Variants in LPIN1 observed in about 807,000 individuals in gnomAD.
LPIN1 encodes lipin 1.
In LPIN1, 71 loss-of-function variants were observed where a neutral mutation model predicts 107.5. That is an observed-to-expected ratio of 0.66 (90% CI 0.55 to 0.80). LPIN1 has a LOEUF of 0.80. Ranked by LOEUF, LPIN1 falls within the 30% of genes least tolerant of loss-of-function variation. The probability of loss-of-function intolerance (pLI) is 0.00; values close to 1 mark genes in which losing one functional copy is unlikely to be tolerated. For synonymous variants in LPIN1, 445 were observed against 452.6 expected (o/e 0.98, Z 0.21); for missense variants, 1,043 against 1,160.6 (o/e 0.90, Z 1.47).
At chr2:11,795,790 A>G (rs545705586) in intron 14 of LPIN1, among the ~76,000 whole-genome samples, 1 of 152,372 alleles carries the variant, frequency 6.6e-6, no homozygotes. Context: ...GATGACAATA[A>G]TAACAGTGAG....
chr2:11,680,508 GC>G (rs1661657328), intron 1 of LPIN1, among the ~76,000 whole-genome samples: 4 of 152,102 alleles, frequency 2.6e-5, no homozygotes, highest in Admixed American at 2.6e-4. Context: ...GGGTGGGGCT[GC>G]AGCTGGCAAG....
intron 1 of LPIN1, among the ~76,000 whole-genome samples, chr2:11,761,264 T>C (rs1669786949): frequency 6.6e-6 from 1 of 152,230 alleles, no homozygotes; most frequent in Non-Finnish European, 1.5e-5. Flanking sequence ...AAGAATCATT[T>C]CTTATATTGT....
At chr2:11,712,112 A>T (rs1261438288) in intron 1 of LPIN1, among the ~76,000 whole-genome samples, 1 of 151,824 alleles carries the variant, frequency 6.6e-6, no homozygotes, top group African/African-American at 2.4e-5. Flanking sequence ...GGCCTCACTC[A>T]CCCCTGCCTC....
chr2:11,732,911 C>CTGTGTG, intron 1 of LPIN1, among the ~76,000 whole-genome samples: 1 of 149,114 alleles, frequency 6.7e-6, no homozygotes, highest in East Asian at 2.0e-4. Flanking sequence ...CTCTCTCTCT[C>CTGTGTG]TGTGTGTGTG....
rs769294546 is a variant in LPIN1 at position 11,773,607 on chromosome 2, T to A, written c.597-13T>A. ...AGAATTCTTTGACTTTAATCTTTTT[T>A]TTTTTCCTCCAGAACTCTTCCTAAT... On this transcript the variant is annotated splice_polypyrimidine_tract_variant and intron_variant, in intron 4 of 20. Coordinates refer to ENST00000674199, the MANE Select transcript of LPIN1 (RefSeq NM_001349206.2). 8.1e-6 allele frequency: 13 copies of A among 1,608,852 alleles called. No individual in the cohort carries two copies. In the East Asian group the frequency reaches 2.9e-4, roughly 36 times the overall value.
Position 11,735,558 on chromosome 2 carries a change from A to G in LPIN1, c.-71-5791A>G, listed in dbSNP as rs944524739. Reference sequence around the variant, plus strand: ...AGCCAATCAACCCATTAGTCCTTCAACAAGTCTTCTGAGACCTTTCTGTGG... The same window carrying G: ...AGCCAATCAACCCATTAGTCCTTCAGCAAGTCTTCTGAGACCTTTCTGTGG... On this transcript the variant is annotated intron_variant, in intron 1 of 21. Transcript: ENST00000396097. Among the ~76,000 whole-genome samples the G allele has an allele frequency of 5.9e-5, 9 of 152,282 alleles. No homozygotes were observed. In the East Asian group the frequency reaches 1.4e-3, roughly 23 times the overall value.
chr2:11,725,040 T>C (rs1318817409), intron 1 of LPIN1, among the ~76,000 whole-genome samples: 3 of 152,102 alleles, frequency 2.0e-5, no homozygotes, highest in African/African-American at 7.2e-5. Flanking sequence ...GGCGGGCGGA[T>C]CACAAGGTCA....
intron 14 of LPIN1, among the ~76,000 whole-genome samples, chr2:11,799,330 A>G (rs1168554773): frequency 3.3e-5 from 5 of 151,792 alleles, no homozygotes; most frequent in Non-Finnish European, 7.4e-5. Context: ...GTACACATCA[A>G]TCTGTTGTCA....
Position 11,791,916 on chromosome 2 carries a change from C to T in LPIN1, c.1716C>T (p.Ala572=). The part of the protein sequence containing the change: ...MQAFQKPLPK[A]TVESIMRDKM... Reference sequence around the variant, plus strand: ...ATGTTACCATCCATTTAAAACAGGCCACTGTGGAATCTATCATGAGGGATA... The same window carrying T: ...ATGTTACCATCCATTTAAAACAGGCTACTGTGGAATCTATCATGAGGGATA... The change falls in exon 13 of 21, where the codon GCC becomes GCT. Residue 572 remains alanine, a splice_region_variant and synonymous_variant. Transcript: ENST00000674199. 6.2e-7 allele frequency: 1 copy of T among 1,613,422 alleles called. No homozygotes were observed. Among genetic ancestry groups the T allele is most frequent in the South Asian group, 1.1e-5 (1 of 91,012 alleles).
intron 1 of LPIN1, among the ~76,000 whole-genome samples, chr2:11,678,039 G>A (rs888332310): frequency 3.3e-5 from 5 of 152,210 alleles, no homozygotes; most frequent in African/African-American, 4.8e-5. Flanking sequence ...TCAGAGCTTC[G>A]TGAGTGCCTC....
At chr2:11,795,750 T>A (rs1572881077) in intron 14 of LPIN1, among the ~76,000 whole-genome samples, 2 of 152,352 alleles carry the variant, frequency 1.3e-5, no homozygotes, top group East Asian at 3.9e-4. Flanking sequence ...GGTCCTGGCA[T>A]GCAATAGTCC....
At chr2:11,683,723 A>G (rs1173648591) in intron 1 of LPIN1, among the ~76,000 whole-genome samples, 2 of 152,100 alleles carry the variant, frequency 1.3e-5, no homozygotes, top group South Asian at 4.1e-4. Context: ...CCTGCCCTGC[A>G]CTGCCGCTCT....
chr2:11,765,813 G>T lies in LPIN1; in HGVS notation c.192+80G>T. 1 of 1,284,380 alleles carries T rather than the reference G, an allele frequency of 7.8e-7. No homozygotes were observed. Among genetic ancestry groups the T allele is most frequent in the South Asian group, 1.4e-5 (1 of 69,922 alleles). 79.6% of individuals were successfully genotyped at this position (1,284,380 alleles called of 1,614,324 possible). A position where few individuals can be genotyped will look rare whatever the true frequency, so the allele number is the denominator to read the frequency against. ...GTACTCTGGTGATGCCACCTGTCTT[G>T]AACTCTCAGACCCAGAGTTTTAGGT... is the stretch of plus-strand genomic sequence containing the variant. On this transcript the variant is annotated intron_variant, in intron 2 of 20. Coordinates refer to ENST00000674199, the MANE Select transcript of LPIN1 (RefSeq NM_001349206.2). This position sits in a 1 kb window ranked among gnomAD's most constrained non-coding sequence, Gnocchi z 4.4.
chr2:11,678,172 A>G (rs1324423843), intron 1 of LPIN1, among the ~76,000 whole-genome samples: 1 of 152,204 alleles, frequency 6.6e-6, no homozygotes, highest in Non-Finnish European at 1.5e-5. Context: ...GCTGTCTCCA[A>G]TAACATGCTG....
intron 1 of LPIN1, among the ~76,000 whole-genome samples, chr2:11,702,058 AAGAC>A (rs1221171317): frequency 2.6e-5 from 4 of 152,110 alleles, no homozygotes; most frequent in Non-Finnish European, 4.4e-5. Flanking sequence ...TGGGTATGGG[AAGAC>A]AGACAGGAAA....
chr2:11,793,091 G>C lies in LPIN1; in HGVS notation c.1806+1085G>C, dbSNP rs187015363. The stretch of plus-strand genomic sequence containing the variant: ...TAGTCGACTAAGCAGACATCGTCCT[G>C]TGGATGCCTCAACGTATTTCAAACT... On this transcript the variant is annotated intron_variant, in intron 13 of 20. Transcript: ENST00000674199. Among the ~76,000 whole-genome samples the C allele has an allele frequency of 7.3e-3, 1,105 of 152,310 alleles. 7 individuals carry two copies. The highest frequency in any genetic ancestry group is 0.014 in the Middle Eastern group (4 of 294).
At chr2:11,708,483 G>A (rs1042167446) in intron 1 of LPIN1, among the ~76,000 whole-genome samples, 5 of 152,194 alleles carry the variant, frequency 3.3e-5, no homozygotes, top group East Asian at 3.9e-4. Flanking sequence ...GCATGGGAGA[G>A]GAGCTGAGGC....
intron 18 of LPIN1, chr2:11,818,234 T>C (rs554370429): frequency 6.6e-6 from 1 of 152,342 alleles, no homozygotes; most frequent in East Asian, 1.9e-4. Context: ...TTGATTGAAA[T>C]TGCAGTGAAT....
At position 11,820,414 on chromosome 2, in the gene LPIN1, G is replaced by A. The variant is rs773019394; in HGVS notation, c.2521G>A (p.Val841Met). ...AAATCACCTTTACCAAATATAGGAT[G>A]TGTATTCATACAAGCAAGTAGGAGT... The part of the protein sequence containing the change: ...YAAFGNRPAD[V>M]YSYKQVGVSL... Residue 841 changes from valine to methionine, a missense_variant, in exon 20 of 21, where the codon GTG (valine) becomes ATG (methionine). Val to Met is a conservative substitution (Grantham distance 21). Transcript: ENST00000674199. 9.5e-6 allele frequency: 15 copies of A among 1,585,262 alleles called. No homozygotes were observed. In the South Asian group the frequency reaches 1.2e-4, roughly 13 times the overall value.
Sources: allele counts gnomAD v4.1 joint callset (sites outside exome capture counted in the v4.1 genomes callset), GRCh38; gene constraint gnomAD v4.1.1; non-coding constraint Gnocchi (gnomAD v3.1); transcripts MANE v1.5; gene names NCBI Gene and HGNC (gene_info 2026-07-23, HGNC 2026-07-21).